ATP4A: variants seen among roughly 807,000 people sequenced by gnomAD.
The protein encoded by ATP4A is potassium-transporting ATPase alpha chain 1.
In ATP4A, 73 loss-of-function variants were observed where a neutral mutation model predicts 112.1. That is an observed-to-expected ratio of 0.65 (90% CI 0.54 to 0.79). The LOEUF (loss-of-function observed/expected upper bound fraction) is 0.79. Among genes scored for constraint, ATP4A ranks in the 30% least tolerant of loss-of-function variants. ATP4A has a pLI of 0.00. For synonymous variants in ATP4A, 588 were observed against 588.9 expected, an observed-to-expected ratio of 1.00 and a Z score of 0.02; for missense variants, 1,081 against 1,425.9, an observed-to-expected ratio of 0.76 and a Z score of 3.90.
Position 35,558,112 on chromosome 19 carries a change from G to A in ATP4A, c.1500+250C>T, listed in dbSNP as rs951454169. The A allele has an allele frequency of 1.3e-5, 8 of 626,614 alleles. No homozygotes were observed. Among genetic ancestry groups the A allele is most frequent in the Non-Finnish European group, 2.2e-5 (8 of 365,378 alleles). 38.8% of individuals were successfully genotyped at this position (626,614 alleles called of 1,614,324 possible). A position where few individuals can be genotyped will look rare whatever the true frequency, so the allele number is the denominator to read the frequency against. On this transcript the variant is annotated intron_variant, in intron 10 of 21. Coordinates refer to ENST00000262623, the MANE Select transcript of ATP4A (RefSeq NM_000704.3). This position sits in a 1 kb window ranked among gnomAD's most constrained non-coding sequence, Gnocchi z 5.1. ...AATTAGGGTGCGGAGTTGGGCTGGG[G>A]GCGGATTTGGAGAGCGAGGTGCTCC...
chr19:35,562,303 C>T, intron 4 of ATP4A, 132 bp downstream of exon 4: 1 of 1,096,810 alleles, frequency 9.1e-7, no homozygotes, highest in East Asian at 2.6e-5. Context: ...CCTCCATGAC[C>T]CCTGTCTTGA....
In ATP4A at chr19:35,559,249, C is replaced by T. The variant is rs1568315418; in HGVS notation, c.1057-58G>A. 1.3e-6 allele frequency: 2 copies of T among 1,575,046 alleles called. No individual in the cohort carries two copies. The highest frequency in any genetic ancestry group is 1.7e-6 in the Non-Finnish European group (2 of 1,150,542). ...CCCACCCTGGCTTCCAGTCCTCTTC[C>T]CCGCGTCAAAGAACGGGGAAGGCTT... On this transcript the variant is annotated intron_variant, in intron 7 of 21. Transcript: ENST00000262623. The surrounding 1 kb of genome is among the most constrained non-coding windows in gnomAD (Gnocchi z 4.1).
At position 35,551,011 on chromosome 19, in the gene ATP4A, G is replaced by A. The variant is rs764421480; in HGVS notation, c.2986C>T (p.Arg996Trp). The A allele has an allele frequency of 1.5e-5, 24 of 1,613,612 alleles. No individual in the cohort carries two copies. The highest frequency in any genetic ancestry group is 3.3e-5 in the South Asian group (3 of 90,968). Residue 996 changes from arginine (R) to tryptophan (W), a missense_variant and splice_region_variant, in exon 20 of 22, where the codon CGG becomes TGG. Transcript: ENST00000262623. This position sits in a 1 kb window ranked among gnomAD's most constrained non-coding sequence, Gnocchi z 5.2. ...MPNIFNFMPIRFQWWLVPLPY... is the reference protein window; with the variant it reads ...MPNIFNFMPIWFQWWLVPLPY... ...TCCTTGCCCCTCACAGCCTCTCACC[G>A]AATGGGCATGAAGTTGAAGATGTTG...
In ATP4A at chr19:35,551,589, CA is replaced by C; in HGVS notation, c.2752-10del. ...AGGCGCTGCCCGAATGTCTGCAGGCCAGGGGCAAACGGAAACAGCCTGAGTC... is the reference window on the plus strand; with the variant it reads ...AGGCGCTGCCCGAATGTCTGCAGGCCGGGGCAAACGGAAACAGCCTGAGTC... On this transcript the variant is annotated splice_polypyrimidine_tract_variant and intron_variant, in intron 18 of 21. Transcript: ENST00000262623. This position sits in a 1 kb window ranked among gnomAD's most constrained non-coding sequence, Gnocchi z 5.2. 1 of 1,610,150 alleles carries C rather than the reference CA, an allele frequency of 6.2e-7. No individual in the cohort carries two copies. Among genetic ancestry groups the C allele is most frequent in the East Asian group, 2.2e-5 (1 of 44,672 alleles).
chr19:35,556,992 G>T lies in ATP4A; in HGVS notation c.1790C>A (p.Ala597Glu). 6.2e-7 allele frequency: 1 copy of T among 1,614,190 alleles called. No homozygotes were observed. The highest frequency in any genetic ancestry group is 8.5e-7 in the Non-Finnish European group (1 of 1,180,036). Reference protein sequence around the residue: ...MNFPSSGLCFAGLVSMIDPPR... With the variant: ...MNFPSSGLCFEGLVSMIDPPR... The stretch of plus-strand genomic sequence containing the variant: ...TGGGTCAATCATGGATACAAGTCCC[G>T]CAAAGCAGAGGCCGCTAGATGGAAA... Residue 597 changes from alanine to glutamate, a missense_variant, in exon 12 of 22, where the codon GCG becomes GAG. By Grantham distance (107) the Ala-to-Glu change is moderately radical (BLOSUM62 -1). Around this residue, in one of 3 missense-constraint regions of ATP4A, gnomAD observed 850 missense variants for 1,068.2 expected, o/e 0.80. Coordinates refer to ENST00000262623, the MANE Select transcript of ATP4A (RefSeq NM_000704.3).
chr19:35,551,886 A>C lies in ATP4A; in HGVS notation c.2752-306T>G, dbSNP rs1358128331. Among the ~76,000 whole-genome samples, 2 of 152,168 alleles carry C rather than the reference A, an allele frequency of 1.3e-5. No individual in the cohort carries two copies. Among genetic ancestry groups the C allele is most frequent in the African/African-American group, 4.8e-5 (2 of 41,438 alleles). ...AGGCACCCAAAAGAAAGGGCCTGGG[A>C]AAGGGGAATTGAAATCCTCAGATGG... On this transcript the variant is annotated intron_variant, in intron 18 of 21. Coordinates refer to ENST00000262623, the MANE Select transcript of ATP4A (RefSeq NM_000704.3). The surrounding 1 kb of genome is among the most constrained non-coding windows in gnomAD (Gnocchi z 5.2).
chr19:35,562,334 T>C, intron 4 of ATP4A, 101 bp downstream of exon 4: 8 of 1,376,074 alleles, frequency 5.8e-6, no homozygotes, highest in Non-Finnish European at 8.0e-6. Context: ...CGTGTTCGTC[T>C]ATCCCCATCC....
At chr19:35,553,998 C>T in intron 16 of ATP4A, 169 bp from the exon 17 acceptor site, 1 of 943,528 alleles carries the variant, frequency 1.1e-6, no homozygotes, top group Non-Finnish European at 1.5e-6. Context: ...GCCCCACTGG[C>T]CCCTGGGTGT....
Position 35,557,531 on chromosome 19 carries a change from G to T in ATP4A, c.1693+124C>A. 1 of 1,197,940 alleles carries T rather than the reference G, an allele frequency of 8.3e-7. No homozygotes were observed. The highest frequency in any genetic ancestry group is 1.2e-6 in the Non-Finnish European group (1 of 865,212). The allele number at this position is 1,197,940 out of a possible 1,614,324, so 74.2% of individuals were successfully genotyped here. Reference sequence around the variant, plus strand: ...AGGGAAAGTCAAGGGTGAGGCTGTGGACTGCGACAAATCAGCCAGCAGCCA... The same window carrying T: ...AGGGAAAGTCAAGGGTGAGGCTGTGTACTGCGACAAATCAGCCAGCAGCCA... On this transcript the variant is annotated intron_variant, in intron 11 of 21. Transcript: ENST00000262623. This position sits in a 1 kb window ranked among gnomAD's most constrained non-coding sequence, Gnocchi z 4.4.
intron 4 of ATP4A, 98 bp downstream of exon 4, chr19:35,562,337 C>A (rs1210386223): frequency 7.2e-7 from 1 of 1,393,810 alleles, no homozygotes. Context: ...GTTCGTCTAT[C>A]CCCATCCTTC....
chr19:35,554,773 G>T, intron 16 of ATP4A, 149 bp downstream of exon 16: 1 of 1,155,544 alleles, frequency 8.7e-7, no homozygotes, highest in Non-Finnish European at 1.2e-6. Context: ...TGCCACCCAT[G>T]TGTCCTGCAC....
chr19:35,562,470 G>A lies in ATP4A; in HGVS notation c.385C>T (p.Gln129Ter). Residue 129 changes from glutamine (Q) to a stop codon, truncating the protein, a stop_gained, in exon 4 of 22, where the codon CAG (glutamine) becomes TAG (stop). Transcript: ENST00000262623. LOFTEE classifies it high-confidence loss of function. ...GTGGTGAGGTCCCCCTCACTAGCCT[G>A]GATGGCAAAGGCGATGAGGCAGATG... ...AAICLIAFAIQASEGDLTTDD... is the reference protein window; with the variant it reads ...AAICLIAFAI 6.2e-7 allele frequency: 1 copy of A among 1,614,154 alleles called. No homozygotes were observed. The highest frequency in any genetic ancestry group is 8.5e-7 in the Non-Finnish European group (1 of 1,180,024).
At chr19:35,562,750 T>G (rs570301939) in intron 3 of ATP4A, 112 bp from the exon 4 acceptor site, 13 of 1,063,252 alleles carry the variant, frequency 1.2e-5, no homozygotes, top group Middle Eastern at 3.1e-4. Context: ...GTCCTGCTCC[T>G]TCTCATCTCT....
At position 35,558,604 on chromosome 19, in the gene ATP4A, G is replaced by A. The variant is rs1269490370; in HGVS notation, c.1338C>T (p.Ser446=). 1 of 1,603,462 alleles carries A rather than the reference G, an allele frequency of 6.2e-7. No homozygotes were observed. Among genetic ancestry groups the A allele is most frequent in the Admixed American group, 1.7e-5 (1 of 58,030 alleles). Residue 446 remains serine (S), a synonymous_variant, in exon 9 of 22, where the codon TCC becomes TCT. Transcript: ENST00000262623. The surrounding 1 kb of genome is among the most constrained non-coding windows in gnomAD (Gnocchi z 5.1). The part of the protein sequence containing the change: ...LTLCNRAAFK[S]GQDAVPVPKR... Reference sequence around the variant, plus strand: ...TGGGCACAGGCACTGCATCCTGGCCGGACTTGAAGGCGGCGCGGTTGCACA... The same window carrying A: ...TGGGCACAGGCACTGCATCCTGGCCAGACTTGAAGGCGGCGCGGTTGCACA...
rs2071611303 is a variant in ATP4A at position 35,553,177 on chromosome 19, T to C, written c.2611A>G (p.Ile871Val). Reference sequence around the variant, plus strand: ...TCAGTGAAGCCAGCAAAGGACTGAATGGCACCTGGAGAGAGACAAGGGGAC... The same window carrying C: ...TCAGTGAAGCCAGCAAAGGACTGAACGGCACCTGGAGAGAGACAAGGGGAC... ...AAYSYFQIGA[I>V]QSFAGFTDYF... Residue 871 changes from isoleucine to valine, a missense_variant, in exon 18 of 22, where the codon ATT (isoleucine) becomes GTT (valine). Ile to Val is a conservative substitution (Grantham distance 29, BLOSUM62 3). This residue lies in a region of ATP4A where 219 missense variants were observed against 320.9 expected (regional missense o/e 0.68). Transcript: ENST00000262623. 6.3e-7 allele frequency: 1 copy of C among 1,596,272 alleles called. No homozygotes were observed. Among genetic ancestry groups the C allele is most frequent in the Non-Finnish European group, 8.6e-7 (1 of 1,165,814 alleles).
At chr19:35,563,293 G>C in intron 2 of ATP4A, 25 bp from the exon 3 acceptor site, 6 of 1,613,770 alleles carry the variant, frequency 3.7e-6, no homozygotes, top group Non-Finnish European at 5.1e-6. Context: ...GGGGCAGGGT[G>C]CTTGCTCTGG....
intron 12 of ATP4A, among the ~76,000 whole-genome samples, chr19:35,556,161 C>T (rs2071630452): frequency 6.6e-6 from 1 of 152,054 alleles, no homozygotes; most frequent in African/African-American, 2.4e-5. Context: ...GAGAGTCAGC[C>T]ACGTGGAAAG....
At chr19:35,563,073 T>A in intron 3 of ATP4A, 136 bp downstream of exon 3, 1 of 631,474 alleles carries the variant, frequency 1.6e-6, no homozygotes. Context: ...TCTGCCTCCC[T>A]CCCTCTCTCT....
At chr19:35,563,303 G>A (rs1257199600) in intron 2 of ATP4A, 35 bp from the exon 3 acceptor site, 5 of 1,613,552 alleles carry the variant, frequency 3.1e-6, no homozygotes, top group African/African-American at 1.3e-5. Context: ...GCTTGCTCTG[G>A]GCTCTCCTGG....
Sources: gnomAD v4.1 joint callset for allele counts (sites outside exome capture counted in the v4.1 genomes callset) on GRCh38, gnomAD v4.1.1 for gene constraint, gnomAD v4.1.1 regional missense constraint, Gnocchi (gnomAD v3.1) non-coding constraint, MANE v1.5 for transcripts, NCBI Gene and HGNC (gene_info 2026-07-23, HGNC 2026-07-21) for gene names.